Variants in EFCAB14 observed in about 807,000 individuals in gnomAD.
The protein encoded by EFCAB14 is EF-hand calcium binding domain 14, also known as EF-hand calcium-binding domain-containing protein 14.
Under a neutral mutation model 56.5 loss-of-function variants are expected in EFCAB14, and 43 were observed. The observed-to-expected ratio is 0.76, with a 90% CI of 0.60 to 0.98. The LOEUF is 0.98. Among genes scored for constraint, EFCAB14 ranks in the 50% least tolerant of loss-of-function variants. The pLI, the probability that EFCAB14 is intolerant of heterozygous loss-of-function variation, is 0.00. For synonymous variants in EFCAB14, 235 were observed against 212.9 expected, an observed-to-expected ratio of 1.10 and a Z score of -0.90; for missense variants, 538 against 580.3, an observed-to-expected ratio of 0.93 and a Z score of 0.75.
chr1:46,691,802 A>G (rs768616084), intron 5 of EFCAB14, 25 bp downstream of exon 5: 14 of 1,572,746 alleles, frequency 8.9e-6, no homozygotes, highest in Middle Eastern at 1.7e-4. Context: ...GAGCAGGAGC[A>G]TGCTGACTTG....
chr1:46,686,513 C>A lies in EFCAB14; in HGVS notation c.1074+271G>T, dbSNP rs58814507. 9.2e-3 allele frequency among the ~76,000 whole-genome samples: 1,398 copies of A among 152,302 alleles called. 19 individuals are homozygous for A. The highest frequency in any genetic ancestry group is 0.014 in the Middle Eastern group (4 of 294). On this transcript the variant is annotated intron_variant, in intron 8 of 10. Transcript: ENST00000371933. ...CAATTATGTGTTAACGATTTTCTGA[C>A]TGACAGGACTTTGAGCTCCACCACA...
At chr1:46,679,052 T>C (rs1557437694) in intron 10 of EFCAB14, among the ~76,000 whole-genome samples, 1 of 152,192 alleles carries the variant, frequency 6.6e-6, no homozygotes, top group Non-Finnish European at 1.5e-5. Flanking sequence ...TTTATTCTTA[T>C]GTTGAAGGGG....
chr1:46,689,894 C>G (rs1304607887), intron 5 of EFCAB14, among the ~76,000 whole-genome samples: 1 of 152,202 alleles, frequency 6.6e-6, no homozygotes, highest in Non-Finnish European at 1.5e-5. Context: ...AGGCCAGCAG[C>G]ACCAAGATTA....
At chr1:46,683,475 A>AT in intron 9 of EFCAB14, 50 bp from the exon 10 acceptor site, 1 of 1,567,756 alleles carries the variant, frequency 6.4e-7, no homozygotes. Context: ...TCTAACACCA[A>AT]ATTAAACTAG....
intron 2 of EFCAB14, among the ~76,000 whole-genome samples, chr1:46,709,354 T>A (rs890112663): frequency 3.3e-5 from 5 of 149,440 alleles, no homozygotes; most frequent in African/African-American, 1.3e-4. Flanking sequence ...TTTGCCTAGA[T>A]GCCCTTGGCT....
Position 46,675,289 on chromosome 1 carries a change from C to T in EFCAB14, c.*3172G>A, listed in dbSNP as rs1676675999. On this transcript the variant is annotated 3_prime_UTR_variant, in exon 11 of 11. Coordinates refer to ENST00000371933, the MANE Select transcript of EFCAB14 (RefSeq NM_014774.3). ...CTAAACAGAACCAAAATTGCTTATA[C>T]ATTACCAAAATAGCTTCACTAAAAC... 1 of 152,564 alleles carries T rather than the reference C, an allele frequency of 6.6e-6. No homozygotes were observed. Among genetic ancestry groups the T allele is most frequent in the African/African-American group, 2.4e-5 (1 of 41,442 alleles). The allele number at this position is 152,564 out of a possible 1,614,324, so 9.5% of individuals were successfully genotyped here. A position where few individuals can be genotyped will look rare whatever the true frequency, so the allele number is the denominator to read the frequency against.
At position 46,707,989 on chromosome 1, in the gene EFCAB14, T is replaced by C. The variant is rs1677257026; in HGVS notation, c.397A>G (p.Lys133Glu). Reference sequence around the variant, plus strand: ...TCAATCTTCTCAAGTTGTTTTTGCTTGCTGAGTAGTTCTTCATTAAGTTTG... The same window carrying C: ...TCAATCTTCTCAAGTTGTTTTTGCTCGCTGAGTAGTTCTTCATTAAGTTTG... The part of the protein sequence containing the change: ...IPKLNEELLS[K>E]QKQLEKIESG... The change falls in exon 3 of 11, where the codon AAG becomes GAG. Residue 133 changes from lysine (K) to glutamate (E), a missense_variant. Lys to Glu is a moderately conservative substitution (Grantham distance 56). Transcript: ENST00000371933. The C allele has an allele frequency of 2.5e-6, 4 of 1,612,880 alleles. No individual in the cohort carries two copies. Among genetic ancestry groups the C allele is most frequent in the Non-Finnish European group, 2.5e-6 (3 of 1,179,746 alleles).
chr1:46,680,731 T>A (rs912155216), intron 10 of EFCAB14, among the ~76,000 whole-genome samples: 1 of 152,228 alleles, frequency 6.6e-6, no homozygotes, highest in Non-Finnish European at 1.5e-5. Flanking sequence ...GTGAATGTTA[T>A]GGTATGTGAA....
Position 46,683,465 on chromosome 1 carries a change from T to A in EFCAB14, c.1187-40A>T, listed in dbSNP as rs373363037. 1.6e-5 allele frequency: 25 copies of A among 1,586,392 alleles called. No homozygotes were observed. The African/African-American group carries it at 2.7e-4, about 17-fold the overall frequency. On this transcript the variant is annotated intron_variant, in intron 9 of 10. Transcript: ENST00000371933. ...TAAGGTTTTATTTAGTATTATTGAA[T>A]CTAACACCAAATTAAACTAGTATCG...
At chr1:46,707,307 C>A (rs1163689370) in intron 3 of EFCAB14, among the ~76,000 whole-genome samples, 1 of 152,218 alleles carries the variant, frequency 6.6e-6, no homozygotes, top group Non-Finnish European at 1.5e-5. Context: ...CTTATACATA[C>A]AAGATGCTTG....
intron 10 of EFCAB14, 171 bp downstream of exon 10, chr1:46,683,129 T>C: frequency 1.5e-6 from 1 of 686,528 alleles, no homozygotes; most frequent in South Asian, 2.2e-5. Flanking sequence ...TAAATACTTA[T>C]GTTCATGGGA....
chr1:46,710,304 T>C (rs1032648380), intron 2 of EFCAB14, among the ~76,000 whole-genome samples: 16 of 152,206 alleles, frequency 1.1e-4, no homozygotes, highest in African/African-American at 3.6e-4. Context: ...AATTAGCATA[T>C]CCATCATCTC....
At chr1:46,714,837 A>G (rs1217571152) in intron 2 of EFCAB14, among the ~76,000 whole-genome samples, 2 of 152,066 alleles carry the variant, frequency 1.3e-5, no homozygotes, top group Non-Finnish European at 2.9e-5. Flanking sequence ...AAAGAAATGA[A>G]AAAGTAATTT....
intron 2 of EFCAB14, among the ~76,000 whole-genome samples, chr1:46,710,611 T>G (rs1422864629): frequency 1.3e-5 from 2 of 152,232 alleles, no homozygotes; most frequent in Non-Finnish European, 2.9e-5. Context: ...TGGAAGGCAG[T>G]GGCATGATCA....
rs3991763 is a variant in EFCAB14 at position 46,700,986 on chromosome 1, AGTGT to A, written c.481-4341_481-4338del. Among the ~76,000 whole-genome samples the A allele has an allele frequency of 4.1e-3, 584 of 142,936 alleles. 4 individuals carry two copies. The highest frequency in any genetic ancestry group is 0.014 in the African/African-American group (547 of 38,824). The allele number at this position is 142,936 out of a possible 152,430, so 93.8% of individuals were successfully genotyped here. A position where few individuals can be genotyped will look rare whatever the true frequency, so the allele number is the denominator to read the frequency against. ...GAGAGAGAGAGAGAGAGAGTGAGTG[AGTGT>A]GTGTGTGTGTGTGTGTGTGTGCATG... is the stretch of plus-strand genomic sequence containing the variant. On this transcript the variant is annotated intron_variant, in intron 3 of 10. Coordinates refer to ENST00000371933, the MANE Select transcript of EFCAB14 (RefSeq NM_014774.3).
rs41313349 is a variant in EFCAB14 at position 46,718,338 on chromosome 1, G to A, written c.-251C>T. ...TGGCCAAGGAGCTGGTGACCCCAAAGGATAAGGCCTTGGGTGCAGAGTGTT... is the reference window on the plus strand; with the variant it reads ...TGGCCAAGGAGCTGGTGACCCCAAAAGATAAGGCCTTGGGTGCAGAGTGTT... On this transcript the variant is annotated 5_prime_UTR_variant, in exon 1 of 11. Coordinates refer to ENST00000371933, the MANE Select transcript of EFCAB14 (RefSeq NM_014774.3). 6.8e-6 allele frequency: 3 copies of A among 443,288 alleles called. No individual in the cohort carries two copies. The highest frequency in any genetic ancestry group is 1.2e-5 in the Non-Finnish European group (3 of 243,182). 27.5% of individuals were successfully genotyped at this position (443,288 alleles called of 1,614,324 possible). A position where few individuals can be genotyped will look rare whatever the true frequency, so the allele number is the denominator to read the frequency against.
chr1:46,688,400 C>T lies in EFCAB14; in HGVS notation c.940G>A (p.Val314Ile). ...QRVNLIESDV[V>I]AMSKVEKKAN... ...TTCTTTTCTACCTTGCTCATAGCAACCACATCGCTTTCTATCAGGTTGACT... is the reference window on the plus strand; with the variant it reads ...TTCTTTTCTACCTTGCTCATAGCAATCACATCGCTTTCTATCAGGTTGACT... Residue 314 changes from valine to isoleucine, a missense_variant, in exon 7 of 11, where the codon GTT becomes ATT. Coordinates refer to ENST00000371933, the MANE Select transcript of EFCAB14 (RefSeq NM_014774.3). 1 of 1,613,988 alleles carries T rather than the reference C, an allele frequency of 6.2e-7. No homozygotes were observed. The highest frequency in any genetic ancestry group is 8.5e-7 in the Non-Finnish European group (1 of 1,179,906).
chr1:46,718,324 C>T lies in EFCAB14; in HGVS notation c.-237G>A. 2.1e-6 allele frequency: 1 copy of T among 480,218 alleles called. No homozygotes were observed. Among genetic ancestry groups the T allele is most frequent in the Non-Finnish European group, 3.8e-6 (1 of 265,484 alleles). The allele number at this position is 480,218 out of a possible 1,614,324, so 29.7% of individuals were successfully genotyped here. On this transcript the variant is annotated 5_prime_UTR_variant, in exon 1 of 11. Coordinates refer to ENST00000371933, the MANE Select transcript of EFCAB14 (RefSeq NM_014774.3). ...AAATCACATAGAAATGGCCAAGGAG[C>T]TGGTGACCCCAAAGGATAAGGCCTT... is the stretch of plus-strand genomic sequence containing the variant.
chr1:46,716,349 T>C lies in EFCAB14; in HGVS notation c.280A>G (p.Met94Val), dbSNP rs757222428. 6.3e-7 allele frequency: 1 copy of C among 1,595,468 alleles called. No individual in the cohort carries two copies. Among genetic ancestry groups the C allele is most frequent in the Non-Finnish European group, 8.6e-7 (1 of 1,169,524 alleles). ...AGATCCTCCTTGAGAGCAACCTGCA[T>C]CCACACCAAGCCAACACAGGCCACA... Reference protein sequence around the residue: ...CVVACVGLVWMQVALKEDLDA... With the variant: ...CVVACVGLVWVQVALKEDLDA... Residue 94 changes from methionine (M) to valine (V), a missense_variant, in exon 2 of 11, where the codon ATG (methionine) becomes GTG (valine). Transcript: ENST00000371933.
Sources: allele counts gnomAD v4.1 joint callset (sites outside exome capture counted in the v4.1 genomes callset), GRCh38; gene constraint gnomAD v4.1.1; transcripts MANE v1.5; gene names NCBI Gene and HGNC (gene_info 2026-07-23, HGNC 2026-07-21).